AIG1: variants seen among roughly 807,000 people sequenced by gnomAD.
AIG1 encodes the protein androgen-induced gene 1 protein.
AIG1 carries 23 observed loss-of-function variants against 31.4 expected under a neutral mutation model. That is an observed-to-expected ratio of 0.73 (90% confidence interval 0.53 to 1.04). The LOEUF (loss-of-function observed/expected upper bound fraction) is 1.04. AIG1 is among the 50% of genes least tolerant of loss of function. The pLI is 0.00. For missense variants in AIG1, 274 were observed against 295.0 expected, an observed-to-expected ratio of 0.93 and a Z score of 0.52; for synonymous variants, 100 against 110.5, an observed-to-expected ratio of 0.90 and a Z score of 0.60.
intron 3 of AIG1, among the ~76,000 whole-genome samples, chr6:143,236,214 C>T (rs564484597): frequency 1.7e-4 from 26 of 152,344 alleles, no homozygotes; most frequent in Non-Finnish European, 1.2e-4. Context: ...TGAGCGCATA[C>T]GGCTGGTGTC....
intron 5 of AIG1, among the ~76,000 whole-genome samples, chr6:143,335,883 GGTTGCA>G (rs1777448608): frequency 6.6e-6 from 1 of 150,824 alleles, no homozygotes; most frequent in Admixed American, 6.6e-5. Context: ...TGGAGGCAGA[GGTTGCA>G]GTGAGCCAAG....
At chr6:143,257,121 T>C (rs535745283) in intron 3 of AIG1, among the ~76,000 whole-genome samples, 1 of 152,364 alleles carries the variant, frequency 6.6e-6, no homozygotes, top group East Asian at 1.9e-4. Context: ...ATGTCATTTT[T>C]GCTGAAGTCA....
At chr6:143,116,196 A>G (rs1781723090) in intron 1 of AIG1, among the ~76,000 whole-genome samples, 1 of 152,214 alleles carries the variant, frequency 6.6e-6, no homozygotes. Flanking sequence ...GTAATGATAA[A>G]GCCAGACTGT....
At chr6:143,074,144 C>A (rs193076301) in intron 1 of AIG1, among the ~76,000 whole-genome samples, 14 of 152,266 alleles carry the variant, frequency 9.2e-5, no homozygotes, top group Admixed American at 9.2e-4. Context: ...AGATGTTAAA[C>A]CCTTATCAAA....
In AIG1 at chr6:143,073,585, A is replaced by G. The variant is rs1315294172; in HGVS notation, c.141+12519A>G. Among the ~76,000 whole-genome samples the G allele has an allele frequency of 3.9e-5, 6 of 152,240 alleles. No homozygotes were observed. The East Asian group carries it at 1.2e-3, about 29-fold the overall frequency. On this transcript the variant is annotated intron_variant, in intron 1 of 5. Transcript: ENST00000357847. ...TAATAGCCATTCTAATGGGTGTGAG[A>G]TGGTATCTCATAGTGGTTTTGGTTT...
rs368279083 is a variant in AIG1 at position 143,329,980 on chromosome 6, A to G, written c.516-3302A>G. On this transcript the variant is annotated intron_variant, in intron 4 of 5. Transcript: ENST00000357847. This position sits in a 1 kb window ranked among gnomAD's most constrained non-coding sequence, Gnocchi z 4.9. The stretch of plus-strand genomic sequence containing the variant: ...CTCCTGACTTAAATTAAATATAGTG[A>G]CAAAAAGCATAAAGATTTTGGAGGT... Among the ~76,000 whole-genome samples, 21 of 152,340 alleles carry G rather than the reference A, an allele frequency of 1.4e-4. 1 individual carries two copies. In the East Asian group the frequency reaches 3.3e-3, roughly 24 times the overall value.
At chr6:143,236,448 AC>A (rs755713090) in intron 3 of AIG1, among the ~76,000 whole-genome samples, 2 of 152,210 alleles carry the variant, frequency 1.3e-5, no homozygotes, top group Non-Finnish European at 2.9e-5. Context: ...ATTTTCTGAC[AC>A]CCTCTTGCCA....
chr6:143,168,470 A>G (rs1385691239), intron 3 of AIG1, among the ~76,000 whole-genome samples: 1 of 141,100 alleles, frequency 7.1e-6, no homozygotes, highest in African/African-American at 2.7e-5. Context: ...ACGTGTTCTC[A>G]TCGTTCAATT....
intron 3 of AIG1, among the ~76,000 whole-genome samples, chr6:143,243,890 T>C (rs1192812020): frequency 1.3e-5 from 2 of 152,024 alleles, no homozygotes; most frequent in Non-Finnish European, 2.9e-5. Flanking sequence ...AATACAGACA[T>C]AGCTAATCCA....
intron 4 of AIG1, among the ~76,000 whole-genome samples, chr6:143,319,240 C>T (rs955652617): frequency 6.6e-6 from 1 of 152,134 alleles, no homozygotes; most frequent in Non-Finnish European, 1.5e-5. Flanking sequence ...GCCCATCAAT[C>T]AACAAGTGGA....
intron 3 of AIG1, among the ~76,000 whole-genome samples, chr6:143,229,984 G>A (rs1793321431): frequency 6.6e-6 from 1 of 152,096 alleles, no homozygotes; most frequent in African/African-American, 2.4e-5. Flanking sequence ...ATGTGATCCT[G>A]AGCTCATAGA....
At chr6:143,169,527 T>C (rs570960520) in intron 3 of AIG1, among the ~76,000 whole-genome samples, 6 of 152,150 alleles carry the variant, frequency 3.9e-5, no homozygotes, top group Non-Finnish European at 8.8e-5. Context: ...TGTATTGCTA[T>C]AGAACACTGG....
Position 143,291,618 on chromosome 6 carries a change from G to A in AIG1, c.515+7393G>A, listed in dbSNP as rs562114115. ...TATTCATCCTTCTTCCATTTCCCCC[G>A]CCAGAAAGGAAAGAGGCATCTCAGA... On this transcript the variant is annotated intron_variant, in intron 4 of 5. Transcript: ENST00000357847. This position sits in a 1 kb window ranked among gnomAD's most constrained non-coding sequence, Gnocchi z 4.2. 1.4e-4 allele frequency among the ~76,000 whole-genome samples: 22 copies of A among 152,244 alleles called. No individual in the cohort carries two copies. Among genetic ancestry groups the A allele is most frequent in the Middle Eastern group, 3.4e-3 (1 of 294 alleles).
intron 1 of AIG1, among the ~76,000 whole-genome samples, chr6:143,064,888 C>T (rs903957571): frequency 6.6e-5 from 10 of 152,108 alleles, no homozygotes; most frequent in Non-Finnish European, 1.3e-4. Flanking sequence ...TGGGTGCAGG[C>T]GGACTGAGTC....
intron 1 of AIG1, among the ~76,000 whole-genome samples, chr6:143,131,617 G>C (rs1309809989): frequency 6.6e-6 from 1 of 152,218 alleles, no homozygotes; most frequent in African/African-American, 2.4e-5. Flanking sequence ...ACAGACACAA[G>C]GAGCCGAGAG....
chr6:143,078,301 T>A lies in AIG1; in HGVS notation c.141+17235T>A, dbSNP rs536869944. Among the ~76,000 whole-genome samples, 5 of 152,362 alleles carry A rather than the reference T, an allele frequency of 3.3e-5. No individual in the cohort carries two copies. The South Asian group carries it at 1.0e-3, about 32-fold the overall frequency. On this transcript the variant is annotated intron_variant, in intron 1 of 5. Coordinates refer to ENST00000357847, the MANE Select transcript of AIG1 (RefSeq NM_016108.4). ...TGTTCATCTTTACCTCATGGAGGAT[T>A]ATTGAAGAGCTGCCCTAAAGTCCTT...
intron 1 of AIG1, among the ~76,000 whole-genome samples, chr6:143,078,305 G>C (rs1176719634): frequency 6.6e-6 from 1 of 152,088 alleles, no homozygotes; most frequent in Admixed American, 6.6e-5. Flanking sequence ...GAGGATTATT[G>C]AAGAGCTGCC....
At chr6:143,230,015 A>G (rs1793323942) in intron 3 of AIG1, among the ~76,000 whole-genome samples, 1 of 152,132 alleles carries the variant, frequency 6.6e-6, no homozygotes, top group Admixed American at 6.5e-5. Context: ...CTTATAATTG[A>G]CTAGCGCTAA....
chr6:143,142,125 G>T (rs1240924471), intron 2 of AIG1, among the ~76,000 whole-genome samples: 1 of 152,026 alleles, frequency 6.6e-6, no homozygotes, highest in Non-Finnish European at 1.5e-5. Flanking sequence ...GCCCAGGCTG[G>T]AATGTAGTGC....
Sources: gnomAD v4.1 joint callset for allele counts (sites outside exome capture counted in the v4.1 genomes callset) on GRCh38, gnomAD v4.1.1 for gene constraint, Gnocchi (gnomAD v3.1) non-coding constraint, MANE v1.5 for transcripts, NCBI Gene and HGNC (gene_info 2026-07-23, HGNC 2026-07-21) for gene names.